PACRG: variants seen among roughly 807,000 people sequenced by gnomAD.
PACRG encodes parkin coregulated.
Under a neutral mutation model 29.7 loss-of-function variants are expected in PACRG, and 29 were observed. The observed-to-expected ratio is 0.98, with a 90% CI of 0.73 to 1.33. PACRG has a LOEUF of 1.33. Among genes scored for constraint, PACRG ranks in the 40% most tolerant of loss-of-function variants. PACRG has a pLI of 0.00. For synonymous variants in PACRG, 116 were observed against 118.7 expected (o/e 0.98, Z 0.15); for missense variants, 279 against 316.2 (o/e 0.88, Z 0.89).
At chr6:162,741,616 C>A (rs1780606135) in intron 1 of PACRG, among the ~76,000 whole-genome samples, 1 of 152,164 alleles carries the variant, frequency 6.6e-6, no homozygotes, top group Admixed American at 6.5e-5. Context: ...AAAGCCCCAT[C>A]TTAAAATACT....
intron 2 of PACRG, among the ~76,000 whole-genome samples, chr6:162,926,057 G>A (rs968783906): frequency 6.6e-6 from 1 of 152,064 alleles, no homozygotes; most frequent in Non-Finnish European, 1.5e-5. Flanking sequence ...ATTCACAACT[G>A]CTATGAAGAG....
At position 163,240,171 on chromosome 6, in the gene PACRG, G is replaced by A. The variant is rs1223863136; in HGVS notation, c.614-74656G>A. On this transcript the variant is annotated intron_variant, in intron 4 of 4. Coordinates refer to ENST00000366888, the MANE Select transcript of PACRG (RefSeq NM_001080379.2). Reference sequence around the variant, plus strand: ...GAGACGGTGGTGGCTCCCCGGGGCCGCACCTGTGCCTCCGCCGGGCCTGTG... The same window carrying A: ...GAGACGGTGGTGGCTCCCCGGGGCCACACCTGTGCCTCCGCCGGGCCTGTG... Among the ~76,000 whole-genome samples the A allele has an allele frequency of 1.5e-4, 23 of 152,110 alleles. 1 individual carries two copies. Among genetic ancestry groups the A allele is most frequent in the Admixed American group, 1.5e-3 (23 of 15,286 alleles).
At chr6:162,985,276 C>T (rs900310460) in intron 2 of PACRG, among the ~76,000 whole-genome samples, 1 of 151,958 alleles carries the variant, frequency 6.6e-6, no homozygotes, top group Non-Finnish European at 1.5e-5. Flanking sequence ...AGACCAATAT[C>T]CCTGATGAAC....
intron 4 of PACRG, among the ~76,000 whole-genome samples, chr6:163,242,082 A>T (rs1202393463): frequency 6.6e-6 from 1 of 152,216 alleles, no homozygotes; most frequent in African/African-American, 2.4e-5. Context: ...GATTTTTTTA[A>T]ACTTATTGAG....
chr6:162,838,183 C>T (rs1253348971), intron 2 of PACRG, among the ~76,000 whole-genome samples: 1 of 152,116 alleles, frequency 6.6e-6, no homozygotes, highest in Non-Finnish European at 1.5e-5. Context: ...ATGCCAACTG[C>T]CGTAGAAAAT....
At chr6:163,116,322 C>G (rs949673012) in intron 4 of PACRG, among the ~76,000 whole-genome samples, 2 of 152,194 alleles carry the variant, frequency 1.3e-5, no homozygotes, top group African/African-American at 4.8e-5. Flanking sequence ...AACTCATACA[C>G]TATCGTGAGG....
At chr6:162,751,511 G>C (rs549591083) in intron 1 of PACRG, among the ~76,000 whole-genome samples, 1 of 152,060 alleles carries the variant, frequency 6.6e-6, no homozygotes, top group African/African-American at 2.4e-5. Flanking sequence ...TAAAAAGTAT[G>C]AGTTTTCTAT....
intron 4 of PACRG, among the ~76,000 whole-genome samples, chr6:163,130,236 G>T (rs902393064): frequency 1.3e-5 from 2 of 152,144 alleles, no homozygotes; most frequent in South Asian, 2.1e-4. Context: ...GAGCACCTTT[G>T]GGGGTGGAGG....
In PACRG at chr6:162,865,920, A is replaced by C. The variant is rs143225603; in HGVS notation, c.291+51639A>C. On this transcript the variant is annotated intron_variant, in intron 2 of 4. Coordinates refer to ENST00000366888, the MANE Select transcript of PACRG (RefSeq NM_001080379.2). Reference sequence around the variant, plus strand: ...TCAGTAAATAGCTAGCCAAGTTTTCATATTACAAACCTATATAGTTATGAT... The same window carrying C: ...TCAGTAAATAGCTAGCCAAGTTTTCCTATTACAAACCTATATAGTTATGAT... Among the ~76,000 whole-genome samples the C allele has an allele frequency of 4.3e-4, 66 of 152,288 alleles. No individual in the cohort carries two copies. In the East Asian group the frequency reaches 0.013, roughly 29 times the overall value.
chr6:163,144,233 C>CA (rs754157729), intron 4 of PACRG, among the ~76,000 whole-genome samples: 17,648 of 101,918 alleles, frequency 0.17, 1,424 homozygotes, highest in Middle Eastern at 0.26. Flanking sequence ...CGTCTCAAAA[C>CA]AAAAAAAAAA....
At chr6:162,945,821 A>C (rs1402744483) in intron 2 of PACRG, among the ~76,000 whole-genome samples, 1 of 152,152 alleles carries the variant, frequency 6.6e-6, no homozygotes, top group East Asian at 1.9e-4. Flanking sequence ...CAATGAAATC[A>C]AACTAGAAAT....
intron 4 of PACRG, among the ~76,000 whole-genome samples, chr6:163,196,078 T>C (rs1780440352): frequency 6.6e-6 from 1 of 152,188 alleles, no homozygotes; most frequent in South Asian, 2.1e-4. Flanking sequence ...TTCCTCCAGC[T>C]CATCTCCTGC....
chr6:163,150,713 T>C (rs1024328830), intron 4 of PACRG, among the ~76,000 whole-genome samples: 6 of 152,244 alleles, frequency 3.9e-5, no homozygotes, highest in Admixed American at 1.3e-4. Flanking sequence ...TAACGATCCA[T>C]TGGCGGTTAC....
At chr6:163,288,467 A>G (rs1234935824) in intron 4 of PACRG, among the ~76,000 whole-genome samples, 1 of 152,240 alleles carries the variant, frequency 6.6e-6, no homozygotes, top group East Asian at 1.9e-4. Flanking sequence ...AGCTCTGTTA[A>G]GCAGGATCAG....
chr6:163,192,965 C>T (rs568249452), intron 4 of PACRG, among the ~76,000 whole-genome samples: 1 of 152,298 alleles, frequency 6.6e-6, no homozygotes, highest in South Asian at 2.1e-4. Context: ...CATTCTACAA[C>T]CCTTAAACCG....
At chr6:163,039,798 T>C (rs1239561582) in intron 2 of PACRG, among the ~76,000 whole-genome samples, 1 of 152,232 alleles carries the variant, frequency 6.6e-6, no homozygotes, top group Non-Finnish European at 1.5e-5. Flanking sequence ...TTCAGTTATA[T>C]GTGTTCACAA....
chr6:162,907,225 T>C (rs924927116), intron 2 of PACRG, among the ~76,000 whole-genome samples: 3 of 152,206 alleles, frequency 2.0e-5, no homozygotes, highest in Non-Finnish European at 4.4e-5. Flanking sequence ...GCCCTTTAAA[T>C]GTTGCAGCTT....
intron 2 of PACRG, among the ~76,000 whole-genome samples, chr6:162,854,816 C>A (rs531874970): frequency 6.6e-6 from 1 of 152,234 alleles, no homozygotes; most frequent in Non-Finnish European, 1.5e-5. Flanking sequence ...AGCCCCACTT[C>A]GCTGGTTTTA....
At chr6:162,957,991 T>C (rs1221129703) in intron 2 of PACRG, among the ~76,000 whole-genome samples, 1 of 152,210 alleles carries the variant, frequency 6.6e-6, no homozygotes, top group Non-Finnish European at 1.5e-5. Context: ...ATTAACATTT[T>C]TTCACTAATG....
Sources: gnomAD v4.1 joint callset for allele counts (sites outside exome capture counted in the v4.1 genomes callset) on GRCh38, gnomAD v4.1.1 for gene constraint, MANE v1.5 for transcripts, NCBI Gene and HGNC (gene_info 2026-07-23, HGNC 2026-07-21) for gene names.